SNED1: variants seen among roughly 807,000 people sequenced by gnomAD.
SNED1 encodes the protein sushi, nidogen and EGF-like domain-containing protein 1.
Under a neutral mutation model 166.7 loss-of-function variants are expected in SNED1, and 81 were observed. The observed-to-expected ratio is 0.49, with a 90% CI of 0.41 to 0.58. The LOEUF (loss-of-function observed/expected upper bound fraction) is 0.58. SNED1 is among the 20% of genes least tolerant of loss of function. The pLI, the probability that SNED1 is intolerant of heterozygous loss-of-function variation, is 0.00. For missense variants in SNED1, 1,604 were observed against 2,000.2 expected, an observed-to-expected ratio of 0.80 and a Z score of 3.78; for synonymous variants, 762 against 822.0, an observed-to-expected ratio of 0.93 and a Z score of 1.25.
chr2:241,090,249 C>T lies in SNED1; in HGVS notation c.*2-1389C>T, dbSNP rs997278525. The T allele has an allele frequency of 2.7e-6, 4 of 1,504,970 alleles. No individual in the cohort carries two copies. The African/African-American group carries it at 5.6e-5, about 21-fold the overall frequency. The allele number at this position is 1,504,970 out of a possible 1,614,324, so 93.2% of individuals were successfully genotyped here. ...ATTTAACTTTTGTTAAAAACTAAGA[C>T]ACAAACACACACATTGGCTTATGCC... On this transcript the variant is annotated intron_variant, in intron 31 of 31. Transcript: ENST00000310397.
chr2:241,044,717 A>T (rs1023389207), intron 8 of SNED1, among the ~76,000 whole-genome samples: 7 of 152,118 alleles, frequency 4.6e-5, no homozygotes, highest in Non-Finnish European at 1.5e-5. Flanking sequence ...TTAAACTGCG[A>T]AGGAAGAAAC....
intron 1 of SNED1, among the ~76,000 whole-genome samples, chr2:241,012,354 C>G (rs1258500095): frequency 2.0e-5 from 3 of 152,242 alleles, no homozygotes; most frequent in Admixed American, 6.5e-5. Context: ...AACGCAAACC[C>G]TGGTGGGCCC....
chr2:241,087,777 C>G (rs1461739804), intron 30 of SNED1: 1 of 1,059,826 alleles, frequency 9.4e-7, no homozygotes, highest in Non-Finnish European at 1.2e-6. Context: ...TACGGACAGC[C>G]CCGAGTATTT....
Position 240,999,004 on chromosome 2 carries a change from T to C in SNED1, c.167T>C (p.Leu56Pro). 2 of 1,324,438 alleles carry C rather than the reference T, an allele frequency of 1.5e-6. No homozygotes were observed. The highest frequency in any genetic ancestry group is 9.7e-7 in the Non-Finnish European group (1 of 1,034,394). The allele number at this position is 1,324,438 out of a possible 1,614,324, so 82.0% of individuals were successfully genotyped here. A position where few individuals can be genotyped will look rare whatever the true frequency, so the allele number is the denominator to read the frequency against. Residue 56 changes from leucine (L) to proline (P), a missense_variant, in exon 1 of 32, where the codon CTC becomes CCC. Physicochemically the swap from Leu to Pro is moderately conservative, Grantham distance 98. Transcript: ENST00000310397. This position sits in a 1 kb window ranked among gnomAD's most constrained non-coding sequence, Gnocchi z 5.8. The part of the protein sequence containing the change: ...QDDGGSGLRP[L>P]SVPFPFFGAE... ...GACGGCGGCTCGGGGCTGCGGCCGC[T>C]CTCGGTGCCCTTCCCGTTCTTCGGT...
intron 1 of SNED1, among the ~76,000 whole-genome samples, chr2:241,016,519 T>C (rs1296400588): frequency 6.6e-6 from 1 of 152,166 alleles, no homozygotes; most frequent in Non-Finnish European, 1.5e-5. Context: ...TTATCCTCTT[T>C]GTATATTGCT....
intron 1 of SNED1, among the ~76,000 whole-genome samples, chr2:241,024,684 A>ATTTTATTTTATTTTATTTTATTTTATTTT (rs1214937392): frequency 3.3e-5 from 1 of 30,530 alleles, no homozygotes; most frequent in African/African-American, 2.4e-4. Context: ...TATTTTATTT[A>ATTTTATTTTATTTTATTTTATTTTATTTT]TTTTTGAGAC....
chr2:241,073,456 G>C lies in SNED1; in HGVS notation c.3916+92G>C. 1 of 1,027,780 alleles carries C rather than the reference G, an allele frequency of 9.7e-7. No individual in the cohort carries two copies. Among genetic ancestry groups the C allele is most frequent in the Non-Finnish European group, 1.5e-6 (1 of 670,408 alleles). 63.7% of individuals were successfully genotyped at this position (1,027,780 alleles called of 1,614,324 possible). A position where few individuals can be genotyped will look rare whatever the true frequency, so the allele number is the denominator to read the frequency against. On this transcript the variant is annotated intron_variant, in intron 27 of 31. Coordinates refer to ENST00000310397, the MANE Select transcript of SNED1 (RefSeq NM_001080437.3). The surrounding 1 kb of genome is among the most constrained non-coding windows in gnomAD (Gnocchi z 6.6). ...AGGCAGGAGGGACCACCCACGGTGA[G>C]GAATCAGGAGGCACAGAGCCTACCT...
chr2:241,015,587 A>T (rs1056231679), intron 1 of SNED1: 1 of 153,224 alleles, frequency 6.5e-6, no homozygotes, highest in African/African-American at 2.4e-5. Context: ...TTTGTGACAC[A>T]TTTTTGTGTC....
intron 31 of SNED1, among the ~76,000 whole-genome samples, chr2:241,090,685 G>C (rs1305133033): frequency 6.6e-6 from 1 of 152,112 alleles, no homozygotes; most frequent in East Asian, 1.9e-4. Flanking sequence ...TGGCCAACAT[G>C]ATGAAACCCT....
chr2:241,052,831 GGTGTC>G (rs2061916754), intron 15 of SNED1, among the ~76,000 whole-genome samples: 2 of 112,638 alleles, frequency 1.8e-5, no homozygotes, highest in South Asian at 3.6e-4. Context: ...ATGGGATGCC[GGTGTC>G]AGGCAGGTGA....
chr2:241,061,124 G>A (rs1015853683), intron 16 of SNED1, among the ~76,000 whole-genome samples: 1 of 151,992 alleles, frequency 6.6e-6, no homozygotes. Context: ...ACTACAAACT[G>A]GGAGAAGAGA....
At chr2:241,025,389 T>C (rs1175668826) in intron 1 of SNED1, among the ~76,000 whole-genome samples, 1 of 152,126 alleles carries the variant, frequency 6.6e-6, no homozygotes, top group Non-Finnish European at 1.5e-5. Context: ...CAACACGATA[T>C]ACACTTTTAA....
intron 16 of SNED1, among the ~76,000 whole-genome samples, chr2:241,055,762 C>T (rs903964363): frequency 9.2e-5 from 14 of 152,308 alleles, no homozygotes; most frequent in Non-Finnish European, 5.9e-5. Context: ...GCATGAGAAG[C>T]CAGGGACTGG....
At chr2:241,027,182 G>C (rs1462136210) in intron 1 of SNED1, among the ~76,000 whole-genome samples, 1 of 152,048 alleles carries the variant, frequency 6.6e-6, no homozygotes. Context: ...CCAGGTTCAA[G>C]TGATCCTTGT....
At chr2:241,046,855 C>A (rs964000060) in intron 8 of SNED1, among the ~76,000 whole-genome samples, 1 of 152,042 alleles carries the variant, frequency 6.6e-6, no homozygotes, top group Admixed American at 6.6e-5. Context: ...CTTTTAAAAA[C>A]CAAAAAGTAG....
At chr2:241,052,242 T>C in intron 14 of SNED1, 85 bp downstream of exon 14, 2 of 1,461,748 alleles carry the variant, frequency 1.4e-6, no homozygotes, top group African/African-American at 1.4e-5. Context: ...GCAGGGCTGG[T>C]CCAGGCCCTG....
Position 241,071,721 on chromosome 2 carries a change from G to A in SNED1, c.3734+1G>A. 6.9e-7 allele frequency: 1 copy of A among 1,456,748 alleles called. No homozygotes were observed. Among genetic ancestry groups the A allele is most frequent in the Non-Finnish European group, 9.3e-7 (1 of 1,078,614 alleles). 90.2% of individuals were successfully genotyped at this position (1,456,748 alleles called of 1,614,324 possible). A position where few individuals can be genotyped will look rare whatever the true frequency, so the allele number is the denominator to read the frequency against. On this transcript the variant is annotated splice_donor_variant, in intron 25 of 31. Coordinates refer to ENST00000310397, the MANE Select transcript of SNED1 (RefSeq NM_001080437.3). LOFTEE classifies it high-confidence loss of function. ...CCGAGACCCCCACCCAGCCCCCCAG[G>A]TACATGCCCCACCCATCGGCCCCAT...
Position 240,999,200 on chromosome 2 carries a change from C to T in SNED1, c.213+150C>T, listed in dbSNP as rs1037907451. ...AATGAGGACAGCGCTTCCTCCTCGGCGGCCAAGGCCGGACAGCGGCCCGCG... is the reference window on the plus strand; with the variant it reads ...AATGAGGACAGCGCTTCCTCCTCGGTGGCCAAGGCCGGACAGCGGCCCGCG... On this transcript the variant is annotated intron_variant, in intron 1 of 31. Coordinates refer to ENST00000310397, the MANE Select transcript of SNED1 (RefSeq NM_001080437.3). This position sits in a 1 kb window ranked among gnomAD's most constrained non-coding sequence, Gnocchi z 5.8. 6.8e-5 allele frequency: 26 copies of T among 383,666 alleles called. No homozygotes were observed. Among genetic ancestry groups the T allele is most frequent in the Admixed American group, 1.0e-4 (2 of 19,268 alleles). The allele number at this position is 383,666 out of a possible 1,614,324, so 23.8% of individuals were successfully genotyped here. A position where few individuals can be genotyped will look rare whatever the true frequency, so the allele number is the denominator to read the frequency against.
chr2:241,020,955 A>G (rs2060753953), intron 1 of SNED1, among the ~76,000 whole-genome samples: 1 of 152,232 alleles, frequency 6.6e-6, no homozygotes, highest in South Asian at 2.1e-4. Flanking sequence ...CACCACGTCA[A>G]CAGCAATTCC....
Sources: gnomAD v4.1 joint callset for allele counts (sites outside exome capture counted in the v4.1 genomes callset) on GRCh38, gnomAD v4.1.1 for gene constraint, Gnocchi (gnomAD v3.1) non-coding constraint, MANE v1.5 for transcripts, NCBI Gene and HGNC (gene_info 2026-07-23, HGNC 2026-07-21) for gene names.